Variants in TIAM2 observed in about 807,000 individuals in gnomAD.
TIAM2 encodes the protein rho guanine nucleotide exchange factor TIAM2.
Under a neutral mutation model 152.9 loss-of-function variants are expected in TIAM2, and 80 were observed. The ratio of observed to expected loss-of-function variants is 0.52; its 90% CI spans 0.44 to 0.63. The LOEUF (loss-of-function observed/expected upper bound fraction) is 0.63. Ranked by LOEUF, TIAM2 falls within the 30% of genes least tolerant of loss-of-function variation. The pLI is 0.00. For synonymous variants in TIAM2, 804 were observed against 838.0 expected, an observed-to-expected ratio of 0.96 and a Z score of 0.70; for missense variants, 1,965 against 2,120.1, an observed-to-expected ratio of 0.93 and a Z score of 1.44.
At chr6:155,050,686 C>T (rs1191971605) in intron 1 of TIAM2, among the ~76,000 whole-genome samples, 1 of 152,132 alleles carries the variant, frequency 6.6e-6, no homozygotes, top group Non-Finnish European at 1.5e-5. Context: ...GCCAGAGATC[C>T]TCAAACACTG....
chr6:155,011,182 G>A (rs182279131), intron 1 of TIAM2, among the ~76,000 whole-genome samples: 1 of 152,228 alleles, frequency 6.6e-6, no homozygotes, highest in African/African-American at 2.4e-5. Context: ...TATTTCAGGC[G>A]GTTATGCAAT....
intron 15 of TIAM2, among the ~76,000 whole-genome samples, chr6:155,225,962 T>C (rs1016937915): frequency 2.6e-5 from 4 of 152,222 alleles, no homozygotes; most frequent in African/African-American, 9.7e-5. Context: ...GCAGTACCCC[T>C]GCTTAATTAA....
In TIAM2 at chr6:155,179,455, T is replaced by C. The variant is rs1374998381; in HGVS notation, c.2706T>C (p.Phe902=). ...CGAAGACTGGGAGTGTGTGTGACTT[T>C]GGTGAGTGTAAGGAATGCCCCTTTC... is the stretch of plus-strand genomic sequence containing the variant. ...QLTKTGSVCD[F]GFAVTAQVDE... is the part of the protein sequence containing the mutation. Residue 902 remains phenylalanine, a splice_region_variant and synonymous_variant, in exon 12 of 27, where the codon TTT becomes TTC. Transcript: ENST00000682666. 2 of 1,611,682 alleles carry C rather than the reference T, an allele frequency of 1.2e-6. No individual in the cohort carries two copies. Among genetic ancestry groups the C allele is most frequent in the Admixed American group, 1.7e-5 (1 of 59,468 alleles).
chr6:155,202,855 T>C (rs1171871991), intron 14 of TIAM2, among the ~76,000 whole-genome samples: 1 of 133,296 alleles, frequency 7.5e-6, no homozygotes, highest in East Asian at 2.1e-4. Context: ...CTGGCCAACA[T>C]GGCAAAACCC....
chr6:155,061,143 T>A (rs541844353), intron 1 of TIAM2, among the ~76,000 whole-genome samples: 63 of 152,328 alleles, frequency 4.1e-4, no homozygotes, highest in African/African-American at 1.4e-3. Context: ...GCCCTCTCAA[T>A]GAATAGAGCT....
At chr6:155,037,965 T>C (rs1370782556) in intron 1 of TIAM2, among the ~76,000 whole-genome samples, 2 of 152,164 alleles carry the variant, frequency 1.3e-5, no homozygotes, top group African/African-American at 4.8e-5. Context: ...GGAATTCTTT[T>C]GTTTCTCTGT....
At chr6:155,250,867 G>A (rs1251329065) in intron 21 of TIAM2, 46 bp from the exon 22 acceptor site, 2 of 1,575,134 alleles carry the variant, frequency 1.3e-6, no homozygotes, top group Non-Finnish European at 1.7e-6. Context: ...AGATCATCTA[G>A]CCTGGGATTT....
intron 9 of TIAM2, among the ~76,000 whole-genome samples, chr6:155,169,975 A>G (rs564886477): frequency 3.9e-5 from 6 of 151,984 alleles, no homozygotes; most frequent in African/African-American, 1.4e-4. Context: ...CCTGCCACCA[A>G]GGCTGGCTAA....
chr6:155,112,123 CTCTT>C (rs1415172789), intron 2 of TIAM2, among the ~76,000 whole-genome samples: 1 of 139,930 alleles, frequency 7.1e-6, no homozygotes, highest in Non-Finnish European at 1.6e-5. Flanking sequence ...TCTTGGTTTC[CTCTT>C]TTTTTTTTTT....
intron 9 of TIAM2, among the ~76,000 whole-genome samples, chr6:155,173,801 G>A (rs1780696484): frequency 6.6e-6 from 1 of 152,200 alleles, no homozygotes; most frequent in Admixed American, 6.5e-5. Flanking sequence ...CTGTACCAGG[G>A]ACATAGGAGA....
chr6:155,202,564 G>A (rs964540125), intron 14 of TIAM2, among the ~76,000 whole-genome samples: 2 of 151,064 alleles, frequency 1.3e-5, no homozygotes, highest in Admixed American at 6.6e-5. Context: ...GACTACAGGT[G>A]TGCACCACCA....
intron 2 of TIAM2, among the ~76,000 whole-genome samples, chr6:155,118,715 G>A (rs977057671): frequency 1.3e-4 from 20 of 152,000 alleles, no homozygotes; most frequent in African/African-American, 4.8e-4. Context: ...GATTACAGGC[G>A]TGAGCCACCG....
Position 155,129,123 on chromosome 6 carries a change from C to T in TIAM2, c.-6-95C>T. The T allele has an allele frequency of 8.8e-7, 1 of 1,140,118 alleles. No individual in the cohort carries two copies. 70.6% of individuals were successfully genotyped at this position (1,140,118 alleles called of 1,614,324 possible). A position where few individuals can be genotyped will look rare whatever the true frequency, so the allele number is the denominator to read the frequency against. The stretch of plus-strand genomic sequence containing the variant: ...TGAGTCCTTCCAGGCACTGAAGTTG[C>T]TGTGTAATATGCAGGGCATTCTTTT... On this transcript the variant is annotated intron_variant, in intron 3 of 26. Transcript: ENST00000682666. This position sits in a 1 kb window ranked among gnomAD's most constrained non-coding sequence, Gnocchi z 4.8.
chr6:155,257,311 A>ACTGGTCAGAAT lies in TIAM2; in HGVS notation c.*194_*204dup, dbSNP rs1169787135. On this transcript the variant is annotated 3_prime_UTR_variant, in exon 27 of 27. Transcript: ENST00000682666. ...ATTGTGGATCAGAAACCTAGATGAA[A>ACTGGTCAGAAT]CTGGTCAGAATCTGTAAATTACTTA... 9.2e-6 allele frequency: 6 copies of ACTGGTCAGAAT among 649,490 alleles called. No individual in the cohort carries two copies. In the Admixed American group the frequency reaches 1.6e-4, roughly 17 times the overall value. 40.2% of individuals were successfully genotyped at this position (649,490 alleles called of 1,614,324 possible).
At chr6:155,091,149 C>G (rs1436713654) in intron 2 of TIAM2, among the ~76,000 whole-genome samples, 1 of 152,142 alleles carries the variant, frequency 6.6e-6, no homozygotes, top group Non-Finnish European at 1.5e-5. Context: ...TGGGTTTCAG[C>G]TCAAAGTACT....
Position 155,129,849 on chromosome 6 carries a change from C to A in TIAM2, c.626C>A (p.Ser209Tyr), listed in dbSNP as rs941879805. 5 of 1,613,716 alleles carry A rather than the reference C, an allele frequency of 3.1e-6. No individual in the cohort carries two copies. Among genetic ancestry groups the A allele is most frequent in the Admixed American group, 1.7e-5 (1 of 60,026 alleles). ...TCACCTACCTTAGCATCGGAAACCT[C>A]CCCTGTGCCTGAAGCCAGGAGGGGG... Reference protein sequence around the residue: ...RYSPTLASETSPVPEARRGSS... With the variant: ...RYSPTLASETYPVPEARRGSS... The change falls in exon 4 of 27, where the codon TCC (serine) becomes TAC (tyrosine). Residue 209 changes from serine (S) to tyrosine (Y), a missense_variant. Physicochemically the swap from Ser to Tyr is moderately radical, Grantham distance 144. Coordinates refer to ENST00000682666, the MANE Select transcript of TIAM2 (RefSeq NM_012454.4). The surrounding 1 kb of genome is among the most constrained non-coding windows in gnomAD (Gnocchi z 4.8).
Position 155,044,222 on chromosome 6 carries a change from G to GC in TIAM2, c.-208-46064dup, listed in dbSNP as rs531417091. 5.0e-3 allele frequency among the ~76,000 whole-genome samples: 763 copies of GC among 152,204 alleles called. 2 individuals are homozygous for GC. Among genetic ancestry groups the GC allele is most frequent in the Non-Finnish European group, 7.8e-3 (531 of 68,024 alleles). Reference sequence around the variant, plus strand: ...ATAAATACAAGAGGTCACTCGTCCTGCCCAGTCACACAGGTTGTTCCTGGA... The same window carrying GC: ...ATAAATACAAGAGGTCACTCGTCCTGCCCCAGTCACACAGGTTGTTCCTGGA... On this transcript the variant is annotated intron_variant, in intron 1 of 26. Coordinates refer to ENST00000682666, the MANE Select transcript of TIAM2 (RefSeq NM_012454.4).
At chr6:155,165,862 A>G (rs1262343718) in intron 9 of TIAM2, among the ~76,000 whole-genome samples, 1 of 152,102 alleles carries the variant, frequency 6.6e-6, no homozygotes, top group African/African-American at 2.4e-5. Context: ...TAACCCAACG[A>G]AACTGCACAA....
chr6:155,154,412 T>G (rs1780054883), intron 7 of TIAM2, among the ~76,000 whole-genome samples: 1 of 152,176 alleles, frequency 6.6e-6, no homozygotes, highest in Non-Finnish European at 1.5e-5. Flanking sequence ...CGGTCAGTGG[T>G]GACATGCTCT....
Sources: allele counts gnomAD v4.1 joint callset (sites outside exome capture counted in the v4.1 genomes callset), GRCh38; gene constraint gnomAD v4.1.1; non-coding constraint Gnocchi (gnomAD v3.1); transcripts MANE v1.5; gene names NCBI Gene and HGNC (gene_info 2026-07-23, HGNC 2026-07-21).